Variants in GPC6 observed in about 807,000 individuals in gnomAD.
GPC6 encodes the protein glypican-6.
GPC6 carries 14 observed loss-of-function variants against 55.2 expected under a neutral mutation model. The observed-to-expected ratio is 0.25, with a 90% CI of 0.17 to 0.40. GPC6 has a LOEUF of 0.40. GPC6 is among the 10% of genes least tolerant of loss of function. The pLI is 1.00. For synonymous variants in GPC6, 278 were observed against 259.6 expected (o/e 1.07, Z -0.68); for missense variants, 641 against 708.5 (o/e 0.90, Z 1.08).
At chr13:93,820,171 T>C (rs1886995982) in intron 2 of GPC6, among the ~76,000 whole-genome samples, 1 of 152,184 alleles carries the variant, frequency 6.6e-6, no homozygotes, top group South Asian at 2.1e-4. Context: ...GACTTTTCAT[T>C]AAAAATTTCT....
the GPC6 span, among the ~76,000 whole-genome samples, chr13:93,220,922 C>T: frequency 6.6e-6 from 1 of 152,096 alleles, no homozygotes; most frequent in Non-Finnish European, 1.5e-5. Flanking sequence ...CTCTTACTGT[C>T]ACCCAGGCTG....
chr13:93,309,616 C>G (rs1878994124), intron 1 of GPC6, among the ~76,000 whole-genome samples: 1 of 152,020 alleles, frequency 6.6e-6, no homozygotes, highest in East Asian at 1.9e-4. Context: ...CATAGTCATA[C>G]AGCAAGTATA....
At chr13:94,044,675 A>C (rs765007910) in intron 4 of GPC6, among the ~76,000 whole-genome samples, 2 of 151,862 alleles carry the variant, frequency 1.3e-5, no homozygotes, top group African/African-American at 4.8e-5. Flanking sequence ...AGATAAGTAC[A>C]TATGTGGTTT....
intron 4 of GPC6, among the ~76,000 whole-genome samples, chr13:94,161,504 C>G (rs1343961548): frequency 1.3e-5 from 2 of 152,196 alleles, no homozygotes; most frequent in Non-Finnish European, 2.9e-5. Context: ...ATATTTTTAA[C>G]AAGACTTGGT....
At chr13:94,271,827 G>A (rs896386894) in intron 4 of GPC6, among the ~76,000 whole-genome samples, 2 of 151,576 alleles carry the variant, frequency 1.3e-5, no homozygotes, top group Non-Finnish European at 2.9e-5. Flanking sequence ...TCACCATGTG[G>A]CATTTTGAAG....
intron 1 of GPC6, among the ~76,000 whole-genome samples, chr13:93,426,965 G>A (rs1877154187): frequency 6.7e-6 from 1 of 149,932 alleles, no homozygotes; most frequent in African/African-American, 2.5e-5. Flanking sequence ...TTGTGGTTTT[G>A]ATTTGCATTT....
intron 1 of GPC6, among the ~76,000 whole-genome samples, chr13:93,527,197 C>T (rs1881684485): frequency 1.3e-5 from 2 of 152,044 alleles, no homozygotes; most frequent in African/African-American, 4.8e-5. Flanking sequence ...ATATCCATCA[C>T]CTACCATAGT....
intron 2 of GPC6, among the ~76,000 whole-genome samples, chr13:93,713,867 A>T (rs1883156050): frequency 6.6e-6 from 1 of 151,592 alleles, no homozygotes; most frequent in Admixed American, 6.6e-5. Context: ...GAGAGCATTA[A>T]AAAGGCAGGA....
intron 4 of GPC6, among the ~76,000 whole-genome samples, chr13:94,028,506 T>G (rs1594678046): frequency 1.1e-5 from 1 of 93,166 alleles, no homozygotes; most frequent in South Asian, 4.2e-4. Context: ...GAAAAGAATC[T>G]TGTAAAAAAA....
At chr13:94,067,474 G>GTCTCTC (rs777653136) in intron 4 of GPC6, among the ~76,000 whole-genome samples, 140 of 142,254 alleles carry the variant, frequency 9.8e-4, no homozygotes, top group African/African-American at 3.3e-3. Context: ...CTCTCTGTCT[G>GTCTCTC]TCTGTCTCTC....
In GPC6 at chr13:94,133,247, A is replaced by G. The variant is rs1297498076; in HGVS notation, c.877+105353A>G. On this transcript the variant is annotated intron_variant, in intron 4 of 8. Transcript: ENST00000377047. ...GTGAACCAGCAAGTACATGCCCACC[A>G]TACAGGTACTGACCAGTGACAAAAA... Among the ~76,000 whole-genome samples the G allele has an allele frequency of 3.5e-5, 5 of 144,520 alleles. No individual in the cohort carries two copies. The East Asian group carries it at 6.3e-4, about 18-fold the overall frequency. The allele number at this position is 144,520 out of a possible 152,430, so 94.8% of individuals were successfully genotyped here.
At chr13:93,249,477 C>A (rs575839491) in intron 1 of GPC6, among the ~76,000 whole-genome samples, 1 of 152,122 alleles carries the variant, frequency 6.6e-6, no homozygotes, top group African/African-American at 2.4e-5. Context: ...TATGGGCTTC[C>A]TGCATAGGGA....
intron 3 of GPC6, among the ~76,000 whole-genome samples, chr13:93,878,759 C>T (rs1874763910): frequency 6.6e-6 from 1 of 152,104 alleles, no homozygotes; most frequent in South Asian, 2.1e-4. Context: ...CCTCACCAGA[C>T]ACTGAACCTG....
intron 3 of GPC6, among the ~76,000 whole-genome samples, chr13:93,936,478 T>C (rs958330713): frequency 1.3e-5 from 2 of 152,154 alleles, no homozygotes; most frequent in Non-Finnish European, 2.9e-5. Context: ...TATTATTGAA[T>C]TAGCTAAATA....
At chr13:94,147,778 C>T (rs1439039652) in intron 4 of GPC6, among the ~76,000 whole-genome samples, 1 of 152,038 alleles carries the variant, frequency 6.6e-6, no homozygotes, top group Non-Finnish European at 1.5e-5. Context: ...CACATGTGTT[C>T]TAAGTGAATA....
At chr13:94,126,977 A>AT (rs1229103573) in intron 4 of GPC6, among the ~76,000 whole-genome samples, 3 of 152,074 alleles carry the variant, frequency 2.0e-5, no homozygotes, top group Non-Finnish European at 4.4e-5. Context: ...TTCACTTTTG[A>AT]TTTTTTTAAA....
chr13:93,614,129 G>A (rs1170742800), intron 2 of GPC6, among the ~76,000 whole-genome samples: 3 of 152,026 alleles, frequency 2.0e-5, no homozygotes, highest in East Asian at 1.9e-4. Context: ...GCAAATTATC[G>A]GAAACCATGT....
chr13:94,167,067 A>G (rs186740265), intron 4 of GPC6, among the ~76,000 whole-genome samples: 5 of 152,332 alleles, frequency 3.3e-5, no homozygotes, highest in Admixed American at 3.3e-4. Context: ...GTTAGGTAAA[A>G]TTAGACTCTA....
the GPC6 span, among the ~76,000 whole-genome samples, chr13:93,217,972 A>G: frequency 2.6e-5 from 4 of 152,176 alleles, no homozygotes; most frequent in Non-Finnish European, 5.9e-5. Context: ...TGTCCTCAAC[A>G]TTGATTGGCT....
Sources: allele counts gnomAD v4.1 joint callset (sites outside exome capture counted in the v4.1 genomes callset), GRCh38; gene constraint gnomAD v4.1.1; transcripts MANE v1.5; gene names NCBI Gene and HGNC (gene_info 2026-07-23, HGNC 2026-07-21).